Variants in ACTR3C observed in about 807,000 individuals in gnomAD.
ACTR3C encodes actin-related protein 3C.
In ACTR3C, 18 loss-of-function variants were observed where a neutral mutation model predicts 26.3. That is an observed-to-expected ratio of 0.68 (90% CI 0.47 to 1.01). The LOEUF is 1.01. ACTR3C is among the 50% of genes least tolerant of loss of function. The probability of loss-of-function intolerance (pLI) is 0.00; values close to 1 mark genes in which losing one functional copy is unlikely to be tolerated. For missense variants in ACTR3C, 184 were observed against 250.7 expected, an observed-to-expected ratio of 0.73 and a Z score of 1.80; for synonymous variants, 55 against 94.5, an observed-to-expected ratio of 0.58 and a Z score of 2.42.
the ACTR3C span, among the ~76,000 whole-genome samples, chr7:149,884,649 A>T: frequency 1.3e-5 from 2 of 151,860 alleles, no homozygotes; most frequent in African/African-American, 2.4e-5. Flanking sequence ...GAATTCTGGG[A>T]TGGAAGCCAT....
At chr7:150,086,472 C>G in the ACTR3C span, among the ~76,000 whole-genome samples, 5 of 152,092 alleles carry the variant, frequency 3.3e-5, no homozygotes, top group Non-Finnish European at 7.4e-5. Flanking sequence ...CAGTTCTCAT[C>G]ACTTCGGTAG....
At chr7:150,227,704 T>TG in the ACTR3C span, among the ~76,000 whole-genome samples, 1 of 146,826 alleles carries the variant, frequency 6.8e-6, no homozygotes, top group Non-Finnish European at 1.5e-5. Context: ...TTTTTTTGTT[T>TG]TTTTTTTTTG....
the ACTR3C span, among the ~76,000 whole-genome samples, chr7:150,133,994 T>G: frequency 6.6e-6 from 1 of 152,096 alleles, no homozygotes; most frequent in Non-Finnish European, 1.5e-5. Flanking sequence ...TGTCTCAGCC[T>G]CCCAAAGTGC....
the ACTR3C span, among the ~76,000 whole-genome samples, chr7:150,102,672 T>C: frequency 7.2e-4 from 110 of 152,096 alleles, no homozygotes; most frequent in African/African-American, 2.5e-3. Flanking sequence ...ATCCTGATGG[T>C]GCTGGACCTT....
the ACTR3C span, among the ~76,000 whole-genome samples, chr7:150,152,830 C>G: frequency 6.6e-6 from 1 of 152,096 alleles, no homozygotes; most frequent in South Asian, 2.1e-4. Context: ...TGTTATTGGT[C>G]TATTCAGAGA....
At chr7:150,184,921 T>A in the ACTR3C span, among the ~76,000 whole-genome samples, 1 of 149,734 alleles carries the variant, frequency 6.7e-6, no homozygotes, top group South Asian at 2.1e-4. Flanking sequence ...GGGAACTAAA[T>A]GGATTCTGTT....
In ACTR3C at chr7:150,274,291, C is replaced by T. The variant is rs1175886468; in HGVS notation, c.564+10462G>A. On this transcript the variant is annotated intron_variant, in intron 6 of 7. Transcript: ENST00000683684. This position sits in a 1 kb window ranked among gnomAD's most constrained non-coding sequence, Gnocchi z 4.1. ...AAACGGCACCAAGCAGGTCTGTCAG[C>T]GCCATTTTCCCAAAAGCACACGCTC... Among the ~76,000 whole-genome samples the T allele has an allele frequency of 1.3e-5, 2 of 152,168 alleles. No individual in the cohort carries two copies. The highest frequency in any genetic ancestry group is 2.9e-5 in the Non-Finnish European group (2 of 68,038).
At chr7:149,986,678 A>G in the ACTR3C span, among the ~76,000 whole-genome samples, 1 of 152,108 alleles carries the variant, frequency 6.6e-6, no homozygotes, top group Non-Finnish European at 1.5e-5. Context: ...CATTTGGAGA[A>G]CACCAGGATG....
the ACTR3C span, among the ~76,000 whole-genome samples, chr7:149,954,125 C>A: frequency 6.7e-6 from 1 of 148,528 alleles, no homozygotes; most frequent in Non-Finnish European, 1.5e-5. Flanking sequence ...TAGAAAAATG[C>A]AAAAATGAAA....
At chr7:150,143,330 T>C in the ACTR3C span, among the ~76,000 whole-genome samples, 1 of 152,100 alleles carries the variant, frequency 6.6e-6, no homozygotes, top group African/African-American at 2.4e-5. Flanking sequence ...AAATGCACAA[T>C]GCACAACAGA....
At chr7:149,915,193 A>G in the ACTR3C span, among the ~76,000 whole-genome samples, 1 of 152,174 alleles carries the variant, frequency 6.6e-6, no homozygotes, top group East Asian at 1.9e-4. Context: ...TTCTTTATAG[A>G]TGATAACTGT....
At chr7:150,071,781 T>G in the ACTR3C span, among the ~76,000 whole-genome samples, 1 of 151,666 alleles carries the variant, frequency 6.6e-6, no homozygotes, top group Non-Finnish European at 1.5e-5. Flanking sequence ...TCTGCCAAAC[T>G]CCAGAACGTG....
chr7:150,317,145 G>C (rs1797016361), intron 1 of ACTR3C, among the ~76,000 whole-genome samples: 1 of 151,744 alleles, frequency 6.6e-6, no homozygotes, highest in South Asian at 2.1e-4. Context: ...TCTGCCTTCT[G>C]GGCTCAAGTG....
the ACTR3C span, among the ~76,000 whole-genome samples, chr7:149,988,388 G>C: frequency 6.6e-6 from 1 of 152,200 alleles, no homozygotes; most frequent in Non-Finnish European, 1.5e-5. Context: ...GAATTGATAA[G>C]GCGGAGAGCA....
the ACTR3C span, among the ~76,000 whole-genome samples, chr7:149,929,232 G>C: frequency 6.6e-6 from 1 of 151,874 alleles, no homozygotes; most frequent in African/African-American, 2.4e-5. Flanking sequence ...TTCAAGACCA[G>C]CTTGGGCAAC....
the ACTR3C span, among the ~76,000 whole-genome samples, chr7:149,992,195 C>T: frequency 3.3e-5 from 5 of 152,266 alleles, no homozygotes; most frequent in Non-Finnish European, 7.3e-5. Context: ...AGGTCCAGAG[C>T]CGAAGGGTCC....
the ACTR3C span, among the ~76,000 whole-genome samples, chr7:150,128,255 A>G: frequency 6.6e-6 from 1 of 152,194 alleles, no homozygotes; most frequent in Non-Finnish European, 1.5e-5. Flanking sequence ...GAAGAATTGC[A>G]GCTTGTCTGA....
At chr7:149,920,706 G>A in the ACTR3C span, among the ~76,000 whole-genome samples, 1 of 148,006 alleles carries the variant, frequency 6.8e-6, no homozygotes, top group Non-Finnish European at 1.5e-5. Flanking sequence ...TCCATTATAG[G>A]TGGCCTGTTG....
chr7:150,054,559 C>T, the ACTR3C span, among the ~76,000 whole-genome samples: 2 of 152,254 alleles, frequency 1.3e-5, no homozygotes, highest in African/African-American at 4.8e-5. Context: ...CAACCCACAG[C>T]CTGGGGCTAA....
Sources: allele counts gnomAD v4.1 joint callset (sites outside exome capture counted in the v4.1 genomes callset), GRCh38; gene constraint gnomAD v4.1.1; non-coding constraint Gnocchi (gnomAD v3.1); transcripts MANE v1.5; gene names NCBI Gene and HGNC (gene_info 2026-07-23, HGNC 2026-07-21).